CCSER1: variants seen among roughly 807,000 people sequenced by gnomAD.
CCSER1 encodes the protein serine-rich coiled-coil domain-containing protein 1.
In CCSER1, 41 loss-of-function variants were observed where a neutral mutation model predicts 82.0. That is an observed-to-expected ratio of 0.50 (90% confidence interval 0.39 to 0.65). The LOEUF is 0.65. Ranked by LOEUF, CCSER1 falls within the 30% of genes least tolerant of loss-of-function variation. The pLI, the probability that CCSER1 is intolerant of heterozygous loss-of-function variation, is 0.00. For synonymous variants in CCSER1, 414 were observed against 383.9 expected, an observed-to-expected ratio of 1.08 and a Z score of -0.92; for missense variants, 1,119 against 1,064.2, an observed-to-expected ratio of 1.05 and a Z score of -0.72.
intron 6 of CCSER1, among the ~76,000 whole-genome samples, chr4:90,674,379 G>A (rs1039280133): frequency 2.6e-5 from 4 of 151,890 alleles, no homozygotes; most frequent in Non-Finnish European, 4.4e-5. Context: ...AGACAGAGAT[G>A]CTGACTCTAG....
intron 8 of CCSER1, among the ~76,000 whole-genome samples, chr4:90,921,652 T>C (rs1283702012): frequency 6.6e-6 from 1 of 151,990 alleles, no homozygotes; most frequent in African/African-American, 2.4e-5. Flanking sequence ...CCAACTCCTA[T>C]CCTCAGGATG....
intron 6 of CCSER1, chr4:90,641,996 G>C (rs1409667353): frequency 1.3e-5 from 4 of 318,126 alleles, no homozygotes; most frequent in Admixed American, 5.6e-5. Context: ...ACATACTTTT[G>C]TGTGATTCGA....
intron 8 of CCSER1, among the ~76,000 whole-genome samples, chr4:90,847,917 A>G (rs1444268490): frequency 6.6e-6 from 1 of 152,118 alleles, no homozygotes; most frequent in African/African-American, 2.4e-5. Flanking sequence ...AAAGACCTCC[A>G]GTGATAAATG....
At chr4:90,245,229 A>G (rs921319351) in intron 1 of CCSER1, among the ~76,000 whole-genome samples, 3 of 152,228 alleles carry the variant, frequency 2.0e-5, no homozygotes, top group Non-Finnish European at 2.9e-5. Flanking sequence ...TGAAAGGCCT[A>G]CTTGTTCACA....
chr4:90,473,975 T>C (rs1338210881), intron 5 of CCSER1, among the ~76,000 whole-genome samples: 1 of 152,126 alleles, frequency 6.6e-6, no homozygotes, highest in Non-Finnish European at 1.5e-5. Context: ...ATCCCTTCTG[T>C]ACTAAAAATA....
intron 8 of CCSER1, among the ~76,000 whole-genome samples, chr4:90,821,366 G>A (rs1759698085): frequency 6.6e-6 from 1 of 152,130 alleles, no homozygotes; most frequent in Non-Finnish European, 1.5e-5. Flanking sequence ...ACACATCATG[G>A]TGATTGGAGA....
At chr4:90,826,429 A>G (rs764506984) in intron 8 of CCSER1, among the ~76,000 whole-genome samples, 17 of 152,196 alleles carry the variant, frequency 1.1e-4, no homozygotes, top group Non-Finnish European at 1.8e-4. Context: ...ATGATGAAGG[A>G]GTAGAGTGGT....
intron 3 of CCSER1, among the ~76,000 whole-genome samples, chr4:90,364,722 A>G (rs941376716): frequency 2.0e-5 from 3 of 152,004 alleles, no homozygotes; most frequent in African/African-American, 7.2e-5. Context: ...TGTAAAGAAG[A>G]CAGTTAGTGT....
At chr4:91,453,898 A>T (rs917582051) in intron 10 of CCSER1, among the ~76,000 whole-genome samples, 2 of 152,098 alleles carry the variant, frequency 1.3e-5, no homozygotes, top group Non-Finnish European at 2.9e-5. Context: ...TGAATGGAAG[A>T]AAATAATCAA....
At chr4:90,908,689 A>G (rs903437869) in intron 8 of CCSER1, among the ~76,000 whole-genome samples, 1 of 152,132 alleles carries the variant, frequency 6.6e-6, no homozygotes. Flanking sequence ...TTTGACACAA[A>G]CATCTCAGTT....
At chr4:91,401,396 T>C (rs1189697200) in intron 10 of CCSER1, among the ~76,000 whole-genome samples, 1 of 148,474 alleles carries the variant, frequency 6.7e-6, no homozygotes, top group Admixed American at 6.8e-5. Flanking sequence ...CAATATAATA[T>C]ATATATACTT....
intron 3 of CCSER1, among the ~76,000 whole-genome samples, chr4:90,352,289 A>AATGAG (rs1743600742): frequency 6.6e-6 from 1 of 152,078 alleles, no homozygotes; most frequent in Non-Finnish European, 1.5e-5. Context: ...GCGCCACTGC[A>AATGAG]CTCCAGCCTG....
intron 5 of CCSER1, among the ~76,000 whole-genome samples, chr4:90,500,489 G>A (rs1026894202): frequency 4.6e-5 from 7 of 151,984 alleles, no homozygotes; most frequent in South Asian, 2.1e-4. Flanking sequence ...GTGCCACCAC[G>A]CCCAGCTAAT....
At chr4:91,468,566 G>T (rs1299223595) in intron 10 of CCSER1, among the ~76,000 whole-genome samples, 1 of 150,606 alleles carries the variant, frequency 6.6e-6, no homozygotes, top group African/African-American at 2.4e-5. Flanking sequence ...AGTTTTTTTT[G>T]ATAAAAAGAA....
chr4:90,497,581 C>A (rs570069912), intron 5 of CCSER1, among the ~76,000 whole-genome samples: 97 of 152,040 alleles, frequency 6.4e-4, no homozygotes, highest in Non-Finnish European at 1.2e-3. Context: ...TTTAACCTTG[C>A]CAGATTCCAC....
intron 10 of CCSER1, among the ~76,000 whole-genome samples, chr4:91,531,063 A>T (rs1449412639): frequency 6.6e-6 from 1 of 152,144 alleles, no homozygotes; most frequent in South Asian, 2.1e-4. Flanking sequence ...TAGGTACTTT[A>T]TGAGGCCCCC....
intron 4 of CCSER1, among the ~76,000 whole-genome samples, chr4:90,401,538 GT>G (rs1331684252): frequency 6.6e-6 from 1 of 152,060 alleles, no homozygotes; most frequent in Non-Finnish European, 1.5e-5. Flanking sequence ...ATTTGTTTTT[GT>G]TTTGTTTTGT....
chr4:90,442,551 G>A (rs1578485562), intron 4 of CCSER1, among the ~76,000 whole-genome samples: 1 of 152,126 alleles, frequency 6.6e-6, no homozygotes, highest in East Asian at 1.9e-4. Context: ...TAAGTGTTTT[G>A]GAGAAAATTG....
chr4:91,568,312 T>C (rs1021674209), intron 10 of CCSER1, among the ~76,000 whole-genome samples: 8 of 152,144 alleles, frequency 5.3e-5, no homozygotes, highest in Non-Finnish European at 8.8e-5. Context: ...GAAAATCTGA[T>C]GATTATGTGT....
Sources: allele counts gnomAD v4.1 joint callset (sites outside exome capture counted in the v4.1 genomes callset), GRCh38; gene constraint gnomAD v4.1.1; transcripts MANE v1.5; gene names NCBI Gene and HGNC (gene_info 2026-07-23, HGNC 2026-07-21).